The following SPECC1L variants were observed in gnomAD, a reference collection of about 807,000 sequenced individuals.
The protein encoded by SPECC1L is sperm antigen with calponin homology and coiled-coil domains 1 like.
A neutral mutation model predicts 116.8 loss-of-function variants in SPECC1L; 40 were observed. The ratio of observed to expected loss-of-function variants is 0.34; its 90% CI spans 0.27 to 0.45. The LOEUF (loss-of-function observed/expected upper bound fraction) is 0.45. SPECC1L is among the 20% of genes least tolerant of loss of function. The pLI is 1.00. For synonymous variants in SPECC1L, 504 were observed against 500.6 expected (o/e 1.01, Z -0.09); for missense variants, 1,110 against 1,373.6 (o/e 0.81, Z 3.03).
At chr22:24,318,188 G>A (rs975781049) in intron 4 of SPECC1L, among the ~76,000 whole-genome samples, 5 of 152,334 alleles carry the variant, frequency 3.3e-5, no homozygotes, top group African/African-American at 1.2e-4. Flanking sequence ...GGTGGATGTT[G>A]TAGCAAGTCG....
chr22:24,325,538 G>GATTTATTTATTT (rs56194800), intron 6 of SPECC1L, among the ~76,000 whole-genome samples: 134 of 146,782 alleles, frequency 9.1e-4, no homozygotes, highest in African/African-American at 2.8e-3. Flanking sequence ...TACTTAAATG[G>GATTTATTTATTT]ATTTATTTAT....
intron 2 of SPECC1L, among the ~76,000 whole-genome samples, chr22:24,285,940 C>T (rs899893748): frequency 3.3e-5 from 5 of 152,212 alleles, no homozygotes; most frequent in African/African-American, 9.7e-5. Flanking sequence ...GCGCCTGGCG[C>T]GCTGTTCTTT....
At chr22:24,348,161 G>A (rs903881255) in intron 11 of SPECC1L, among the ~76,000 whole-genome samples, 1 of 152,226 alleles carries the variant, frequency 6.6e-6, no homozygotes, top group East Asian at 1.9e-4. Context: ...GGTGGGTGTG[G>A]GAATGTTCCC....
intron 10 of SPECC1L, among the ~76,000 whole-genome samples, chr22:24,343,287 A>G (rs967865049): frequency 2.0e-5 from 3 of 152,222 alleles, no homozygotes; most frequent in African/African-American, 7.2e-5. Flanking sequence ...TCAGGAAGCT[A>G]AAGCAAGACA....
At position 24,414,518 on chromosome 22, in the gene SPECC1L, C is replaced by T. The variant is rs201443152; in HGVS notation, c.3265-16C>T. The T allele has an allele frequency of 3.1e-6, 5 of 1,612,778 alleles. No homozygotes were observed. Among genetic ancestry groups the T allele is most frequent in the Middle Eastern group, 1.6e-4 (1 of 6,080 alleles). ...GTGACCTGCAGTTCTAACCAAGCGT[C>T]TTCCTTGTCTGTCAGGACATTAATG... is the stretch of plus-strand genomic sequence containing the variant. On this transcript the variant is annotated splice_polypyrimidine_tract_variant and intron_variant, in intron 16 of 16. Coordinates refer to ENST00000314328, the MANE Select transcript of SPECC1L (RefSeq NM_015330.6).
intron 2 of SPECC1L, among the ~76,000 whole-genome samples, chr22:24,284,496 G>A (rs1405791935): frequency 7.2e-5 from 11 of 151,928 alleles, no homozygotes; most frequent in African/African-American, 2.7e-4. Context: ...GTGCAGTGGC[G>A]TGATCTCGGC....
In SPECC1L at chr22:24,321,174, TC is replaced by T. The variant is rs1477082927; in HGVS notation, c.308-113del. ...AAGGCAAGATTATTGTAGATCTAAA[TC>T]ATTGTGTAGATCCTGGATTTCATCT... On this transcript the variant is annotated intron_variant, in intron 4 of 16. Transcript: ENST00000314328. 4 of 1,178,196 alleles carry T rather than the reference TC, an allele frequency of 3.4e-6. No homozygotes were observed. The Middle Eastern group carries it at 6.6e-4, about 194-fold the overall frequency. 73.0% of individuals were successfully genotyped at this position (1,178,196 alleles called of 1,614,324 possible).
At chr22:24,362,427 A>G (rs914027597) in intron 11 of SPECC1L, among the ~76,000 whole-genome samples, 1 of 152,200 alleles carries the variant, frequency 6.6e-6, no homozygotes, top group Admixed American at 6.5e-5. Flanking sequence ...GAGGAGTAGA[A>G]CAAGGTGAGG....
At chr22:24,330,815 C>G (rs1251223029) in intron 8 of SPECC1L, among the ~76,000 whole-genome samples, 1 of 152,180 alleles carries the variant, frequency 6.6e-6, no homozygotes, top group African/African-American at 2.4e-5. Flanking sequence ...TAGCTGTAAT[C>G]TTGGTCAGGA....
At chr22:24,298,288 A>T (rs1346454320) in intron 2 of SPECC1L, among the ~76,000 whole-genome samples, 1 of 152,220 alleles carries the variant, frequency 6.6e-6, no homozygotes, top group Non-Finnish European at 1.5e-5. Context: ...TTTTTGATTC[A>T]TGATATTTTC....
At chr22:24,369,441 C>T in intron 14 of SPECC1L, 121 bp downstream of exon 14, 4 of 763,132 alleles carry the variant, frequency 5.2e-6, no homozygotes, top group Non-Finnish European at 9.3e-6. Context: ...GTGGATCACA[C>T]CTATAATCCT....
At chr22:24,400,310 T>A (rs2146774609) in intron 14 of SPECC1L, among the ~76,000 whole-genome samples, 1 of 152,238 alleles carries the variant, frequency 6.6e-6, no homozygotes, top group East Asian at 1.9e-4. Context: ...TTCATATAAA[T>A]AGAATCATAC....
Position 24,322,075 on chromosome 22 carries a change from A to C in SPECC1L, c.1095A>C (p.Ala365=). ...CATCGAGCGATGATGCGCTGGATGC[A>C]CCATCCTCCTCAGAGTCGGAAGGCA... ...PLTSSDDALD[A]PSSSESEGIP... The change falls in exon 5 of 17, where the codon GCA becomes GCC. Residue 365 remains alanine, a synonymous_variant. Coordinates refer to ENST00000314328, the MANE Select transcript of SPECC1L (RefSeq NM_015330.6). 1 of 1,614,168 alleles carries C rather than the reference A, an allele frequency of 6.2e-7. No homozygotes were observed. Among genetic ancestry groups the C allele is most frequent in the Non-Finnish European group, 8.5e-7 (1 of 1,180,032 alleles).
chr22:24,335,093 C>G (rs140367090), intron 9 of SPECC1L, among the ~76,000 whole-genome samples: 1,641 of 152,278 alleles, frequency 0.011, 27 homozygotes, highest in African/African-American at 0.036. Context: ...ATTTCTTGTT[C>G]TTTCTTACCA....
Position 24,321,842 on chromosome 22 carries a change from C to T in SPECC1L, c.862C>T (p.Leu288=). The T allele has an allele frequency of 1.2e-6, 2 of 1,614,218 alleles. No homozygotes were observed. The highest frequency in any genetic ancestry group is 1.7e-6 in the Non-Finnish European group (2 of 1,180,046). ...LEQRLDNSEK[L]FGYQSLSPEI... is the part of the protein sequence containing the mutation. The stretch of plus-strand genomic sequence containing the variant: ...GCAGAGGTTAGACAATTCTGAAAAA[C>T]TGTTTGGCTATCAGTCCCTGAGCCC... The change falls in exon 5 of 17, where the codon CTG becomes TTG. Residue 288 remains leucine, a synonymous_variant. Transcript: ENST00000314328.
intron 4 of SPECC1L, among the ~76,000 whole-genome samples, chr22:24,318,395 C>T (rs1259911931): frequency 2.0e-5 from 3 of 152,258 alleles, no homozygotes; most frequent in South Asian, 2.1e-4. Context: ...GCGGCGCGCG[C>T]CTGCAATCGC....
intron 4 of SPECC1L, 25 bp downstream of exon 4, chr22:24,313,491 CT>C (rs2040499846): frequency 1.2e-6 from 2 of 1,612,910 alleles, no homozygotes; most frequent in Non-Finnish European, 1.7e-6. Context: ...CAGTCTGAGA[CT>C]TCAACTGCTT....
intron 11 of SPECC1L, among the ~76,000 whole-genome samples, chr22:24,359,269 ACCT>A (rs1340504755): frequency 1.3e-5 from 2 of 151,768 alleles, no homozygotes; most frequent in African/African-American, 4.8e-5. Context: ...ATTACCAGTA[ACCT>A]CCATGTCACC....
intron 14 of SPECC1L, among the ~76,000 whole-genome samples, chr22:24,382,519 A>G (rs1374538631): frequency 6.6e-6 from 1 of 152,132 alleles, no homozygotes; most frequent in Admixed American, 6.5e-5. Context: ...CCTGGCTAAC[A>G]TGGTGAAACC....
Sources: allele counts gnomAD v4.1 joint callset (sites outside exome capture counted in the v4.1 genomes callset), GRCh38; gene constraint gnomAD v4.1.1; transcripts MANE v1.5; gene names NCBI Gene and HGNC (gene_info 2026-07-23, HGNC 2026-07-21).